The following MTCL3 variants were observed in gnomAD, a reference collection of about 807,000 sequenced individuals.
MTCL3 encodes microtubule cross-linking factor 3.
At chr6:127,512,950 G>C in the MTCL3 span, 1 of 1,612,260 alleles carries the variant, frequency 6.2e-7, no homozygotes, top group Admixed American at 1.7e-5. Context: ...ACTTCTATGA[G>C]CTGTTGCCTC....
chr6:127,504,265 A>G, the MTCL3 span, among the ~76,000 whole-genome samples: 1 of 152,212 alleles, frequency 6.6e-6, no homozygotes, highest in East Asian at 1.9e-4. Context: ...CATGAGAAGT[A>G]TTTGGTATAG....
the MTCL3 span, chr6:127,516,534 C>A: frequency 6.3e-7 from 1 of 1,598,374 alleles, no homozygotes; most frequent in Non-Finnish European, 8.5e-7. Context: ...CCTCCGGGTG[C>A]AGACGAGCCT....
At chr6:127,497,325 A>G in the MTCL3 span, among the ~76,000 whole-genome samples, 1 of 152,320 alleles carries the variant, frequency 6.6e-6, no homozygotes, top group East Asian at 1.9e-4. Context: ...AACAAGTAGG[A>G]ATTAGGCAAG....
the MTCL3 span, among the ~76,000 whole-genome samples, chr6:127,486,684 C>T: frequency 6.6e-6 from 1 of 152,142 alleles, no homozygotes; most frequent in Non-Finnish European, 1.5e-5. Context: ...CCAGCCTCAG[C>T]TTGTCCAAAA....
chr6:127,503,211 G>A, the MTCL3 span, among the ~76,000 whole-genome samples: 6 of 152,176 alleles, frequency 3.9e-5, no homozygotes, highest in Admixed American at 6.5e-5. Flanking sequence ...CAGACCACGC[G>A]TTGGAGGCAG....
At chr6:127,475,616 GC>G in the MTCL3 span, 4 of 1,600,210 alleles carry the variant, frequency 2.5e-6, no homozygotes, top group Non-Finnish European at 3.4e-6. The surrounding 1 kb of genome is among the most constrained non-coding windows in gnomAD (Gnocchi z 7.3). Context: ...TTGGGCCAGG[GC>G]CCGGGCGCCG....
the MTCL3 span, among the ~76,000 whole-genome samples, chr6:127,512,392 T>C: frequency 6.6e-6 from 1 of 152,186 alleles, no homozygotes; most frequent in African/African-American, 2.4e-5. Context: ...ACTGGTGATA[T>C]TGCAAGCATT....
At chr6:127,473,145 T>C in the MTCL3 span, 3 of 1,219,894 alleles carry the variant, frequency 2.5e-6, no homozygotes, top group Non-Finnish European at 3.1e-6. Context: ...TGTATCTTTT[T>C]AAAGAAATAA....
chr6:127,485,294 A>T, the MTCL3 span, among the ~76,000 whole-genome samples: 644 of 152,270 alleles, frequency 4.2e-3, 4 homozygotes, highest in African/African-American at 0.014. Flanking sequence ...AAAGGGAAAA[A>T]AAAAGGCATT....
At chr6:127,499,617 T>C in the MTCL3 span, among the ~76,000 whole-genome samples, 36 of 152,346 alleles carry the variant, frequency 2.4e-4, no homozygotes, top group Admixed American at 7.8e-4. Flanking sequence ...GGACATGTTA[T>C]AAACAAAGAC....
At chr6:127,503,264 A>T in the MTCL3 span, among the ~76,000 whole-genome samples, 3 of 151,848 alleles carry the variant, frequency 2.0e-5, no homozygotes, top group African/African-American at 7.3e-5. Context: ...GGTGACATTA[A>T]CCTCTCTGAG....
the MTCL3 span, chr6:127,513,084 TAATG>T: frequency 6.5e-7 from 1 of 1,542,442 alleles, no homozygotes; most frequent in Non-Finnish European, 8.8e-7. Context: ...AAAATATAAT[TAATG>T]ACAATATAAT....
chr6:127,490,251 C>T, the MTCL3 span, among the ~76,000 whole-genome samples: 1 of 152,112 alleles, frequency 6.6e-6, no homozygotes, highest in Non-Finnish European at 1.5e-5. Flanking sequence ...GAAAGGATCC[C>T]TTTCAAAAGA....
the MTCL3 span, among the ~76,000 whole-genome samples, chr6:127,510,095 C>G: frequency 6.6e-6 from 1 of 152,046 alleles, no homozygotes; most frequent in African/African-American, 2.4e-5. Context: ...TGTTCCCCAC[C>G]ACCTTCCATC....
At chr6:127,481,927 A>C in the MTCL3 span, among the ~76,000 whole-genome samples, 1 of 152,102 alleles carries the variant, frequency 6.6e-6, no homozygotes, top group Non-Finnish European at 1.5e-5. Context: ...GCTAAAACTC[A>C]CCAAAACCGG....
chr6:127,489,309 C>G, the MTCL3 span, among the ~76,000 whole-genome samples: 10 of 152,210 alleles, frequency 6.6e-5, no homozygotes, highest in Non-Finnish European at 1.5e-5. Context: ...CTCTCCCTCT[C>G]AGGCCTATTC....
chr6:127,516,628 C>T, the MTCL3 span: 1 of 1,593,296 alleles, frequency 6.3e-7, no homozygotes, highest in South Asian at 1.1e-5. Flanking sequence ...TATGAACCTA[C>T]CAGATGCGAT....
the MTCL3 span, among the ~76,000 whole-genome samples, chr6:127,503,850 C>A: frequency 6.6e-6 from 1 of 152,158 alleles, no homozygotes; most frequent in Non-Finnish European, 1.5e-5. Context: ...ATGGAAAGAG[C>A]CCTGGTTCAC....
the MTCL3 span, among the ~76,000 whole-genome samples, chr6:127,494,005 G>A: frequency 2.0e-4 from 30 of 152,270 alleles, 1 homozygote; most frequent in East Asian, 4.1e-3. Flanking sequence ...ACCAATAAAA[G>A]AGGAAACTTT....
Sources: allele counts gnomAD v4.1 joint callset (sites outside exome capture counted in the v4.1 genomes callset), GRCh38; gene constraint gnomAD v4.1.1; non-coding constraint Gnocchi (gnomAD v3.1); transcripts MANE v1.5; gene names NCBI Gene and HGNC (gene_info 2026-07-23, HGNC 2026-07-21).